Variants in HDGFL2 observed in about 807,000 individuals in gnomAD.
HDGFL2 encodes the protein hepatoma-derived growth factor-related protein 2.
A neutral mutation model predicts 77.1 loss-of-function variants in HDGFL2; 36 were observed. The ratio of observed to expected loss-of-function variants is 0.47; its 90% CI spans 0.36 to 0.62. The LOEUF is 0.62. Among genes scored for constraint, HDGFL2 ranks in the 20% least tolerant of loss-of-function variants. The pLI, the probability that HDGFL2 is intolerant of heterozygous loss-of-function variation, is 0.00. For synonymous variants in HDGFL2, 463 were observed against 413.1 expected (o/e 1.12, Z -1.46); for missense variants, 976 against 973.4 (o/e 1.00, Z -0.04).
intron 7 of HDGFL2, 50 bp downstream of exon 7, chr19:4,493,912 CTCCCAGGCAGT>C: frequency 1.3e-6 from 2 of 1,531,606 alleles, no homozygotes; most frequent in Non-Finnish European, 1.8e-6. Flanking sequence ...TGCCGGGGCG[CTCCCAGGCAGT>C]CCCCTGGTCA....
At chr19:4,490,667 A>G (rs1008918609) in intron 4 of HDGFL2, among the ~76,000 whole-genome samples, 15 of 152,222 alleles carry the variant, frequency 9.9e-5, no homozygotes, top group African/African-American at 3.6e-4. Flanking sequence ...TGTACTTTGT[A>G]TTATTTTCTG....
intron 9 of HDGFL2, among the ~76,000 whole-genome samples, chr19:4,496,031 G>T (rs1975692593): frequency 6.6e-6 from 1 of 152,130 alleles, no homozygotes; most frequent in Admixed American, 6.5e-5. Flanking sequence ...CCTGGTGCAG[G>T]AGGCGTTTCA....
intron 3 of HDGFL2, among the ~76,000 whole-genome samples, chr19:4,484,088 C>CTTT (rs577665698): frequency 1.6e-4 from 20 of 122,680 alleles, no homozygotes; most frequent in African/African-American, 2.9e-4. Flanking sequence ...TGCACCCGGC[C>CTTT]TTTTTTTTTT....
chr19:4,494,066 TG>T lies in HDGFL2; in HGVS notation c.914+13del. 6.3e-7 allele frequency: 1 copy of T among 1,594,714 alleles called. No homozygotes were observed. Among genetic ancestry groups the T allele is most frequent in the East Asian group, 2.3e-5 (1 of 43,990 alleles). On this transcript the variant is annotated intron_variant, in intron 8 of 15. Coordinates refer to ENST00000616600, the MANE Select transcript of HDGFL2 (RefSeq NM_001001520.3). ...AGCTCCAGCAGTGACAGGTGGGTGC[TG>T]GGGCTGGGGTCCCCTCTGGCGGCTC...
chr19:4,476,153 G>C (rs1975067512), intron 3 of HDGFL2, among the ~76,000 whole-genome samples: 1 of 144,202 alleles, frequency 6.9e-6, no homozygotes, highest in Non-Finnish European at 1.5e-5. Flanking sequence ...GCCTCCCAAA[G>C]TGCTGGGATT....
In HDGFL2 at chr19:4,488,769, G is replaced by T; in HGVS notation, c.382G>T (p.Val128Phe). Residue 128 changes from valine (V) to phenylalanine (F), a missense_variant, in exon 4 of 16, where the codon GTC (valine) becomes TTC (phenylalanine). Physicochemically the swap from Val to Phe is conservative, Grantham distance 50. This residue lies in a region of HDGFL2 where 567 missense variants were observed against 534.7 expected (regional missense o/e 1.06). Coordinates refer to ENST00000616600, the MANE Select transcript of HDGFL2 (RefSeq NM_001001520.3). ...CGATGAGGACCGGGGGGTCATGGCCGTCACAGCGGTAACCGCCACAGCTGC... is the reference window on the plus strand; with the variant it reads ...CGATGAGGACCGGGGGGTCATGGCCTTCACAGCGGTAACCGCCACAGCTGC... Reference protein sequence around the residue: ...EDDEDRGVMAVTAVTATAASD... With the variant: ...EDDEDRGVMAFTAVTATAASD... 1 of 1,552,382 alleles carries T rather than the reference G, an allele frequency of 6.4e-7. No individual in the cohort carries two copies. The highest frequency in any genetic ancestry group is 8.7e-7 in the Non-Finnish European group (1 of 1,147,482).
In HDGFL2 at chr19:4,475,577, C is replaced by T. The variant is rs1256516022; in HGVS notation, c.282C>T (p.Ala94=). ...ACAACCCCCACGCCAGCTACAGCGC[C>T]CCTCCGGTGAGTACCCGGGGTGGAG... The part of the protein sequence containing the change: ...IQNNPHASYS[A]PPPVSSSDSE... Residue 94 remains alanine (A), a synonymous_variant, in exon 3 of 16, where the codon GCC becomes GCT. Coordinates refer to ENST00000616600, the MANE Select transcript of HDGFL2 (RefSeq NM_001001520.3). 7 of 1,575,550 alleles carry T rather than the reference C, an allele frequency of 4.4e-6. 1 individual carries two copies. The highest frequency in any genetic ancestry group is 6.0e-6 in the Non-Finnish European group (7 of 1,167,728).
intron 3 of HDGFL2, among the ~76,000 whole-genome samples, chr19:4,478,066 C>T (rs1301663145): frequency 2.9e-5 from 4 of 135,942 alleles, no homozygotes; most frequent in Non-Finnish European, 4.7e-5. Flanking sequence ...GGCAACAGAA[C>T]GAGACTCTGT....
chr19:4,501,927 C>A lies in HDGFL2; in HGVS notation c.1933C>A (p.Pro645Thr). ...EDLHDSVREG[P>T]DLDRPGSDRQ... is the part of the protein sequence containing the mutation. ...TCCCACCAGCAGCGTACGGGAGGGT[C>A]CCGACCTGGACAGGCCTGGGAGCGA... The change falls in exon 16 of 16, where the codon CCC becomes ACC. Residue 645 changes from proline to threonine, a missense_variant. Pro to Thr is a conservative substitution (Grantham distance 38). Coordinates refer to ENST00000616600, the MANE Select transcript of HDGFL2 (RefSeq NM_001001520.3). 6.8e-7 allele frequency: 1 copy of A among 1,479,690 alleles called. No homozygotes were observed. 91.7% of individuals were successfully genotyped at this position (1,479,690 alleles called of 1,614,324 possible).
At chr19:4,472,821 C>G (rs1463831514) in intron 1 of HDGFL2, among the ~76,000 whole-genome samples, 1 of 148,468 alleles carries the variant, frequency 6.7e-6, no homozygotes, top group East Asian at 2.0e-4. Context: ...CTCCCGGGGT[C>G]TGGGGGTCCT....
At chr19:4,491,951 G>A in intron 6 of HDGFL2, 116 bp downstream of exon 6, 1 of 905,132 alleles carries the variant, frequency 1.1e-6, no homozygotes, top group East Asian at 2.5e-5. Context: ...ACGGACTGCA[G>A]GGTACCCGAG....
Position 4,498,014 on chromosome 19 carries a change from A to G in HDGFL2, c.1385A>G (p.Lys462Arg), listed in dbSNP as rs1416482378. The G allele has an allele frequency of 6.4e-7, 1 of 1,556,146 alleles. No individual in the cohort carries two copies. ...TCCGAGGGCTTCTCGATGGACAGGA[A>G]GGTAGAGAAGAAGAAAGGTGAGGCC... Reference protein sequence around the residue: ...KRSEGFSMDRKVEKKKEPSVE... With the variant: ...KRSEGFSMDRRVEKKKEPSVE... The change falls in exon 11 of 16, where the codon AAG (lysine) becomes AGG (arginine). Residue 462 changes from lysine (K) to arginine (R), a missense_variant. Transcript: ENST00000616600.
At chr19:4,494,750 C>G (rs1370311929) in intron 9 of HDGFL2, among the ~76,000 whole-genome samples, 1 of 152,046 alleles carries the variant, frequency 6.6e-6, no homozygotes, top group East Asian at 1.9e-4. Context: ...GACCCTGTCT[C>G]TATAAAAACC....
rs1975919212 is a variant in HDGFL2 at position 4,502,061 on chromosome 19, C to T, written c.*51C>T. On this transcript the variant is annotated 3_prime_UTR_variant, in exon 16 of 16. Transcript: ENST00000616600. ...CGCCCGAGCTCAGGCTGCCCCTCTC[C>T]TTCCCCGGCTCGCAGGAGAGCAGAG... is the stretch of plus-strand genomic sequence containing the variant. 3 of 1,285,796 alleles carry T rather than the reference C, an allele frequency of 2.3e-6. No individual in the cohort carries two copies. Among genetic ancestry groups the T allele is most frequent in the African/African-American group, 2.9e-5 (2 of 68,302 alleles). 79.6% of individuals were successfully genotyped at this position (1,285,796 alleles called of 1,614,324 possible). A position where few individuals can be genotyped will look rare whatever the true frequency, so the allele number is the denominator to read the frequency against.
intron 3 of HDGFL2, 26 bp downstream of exon 3, chr19:4,475,609 T>C (rs3816048): frequency 0.56 from 860,969 of 1,551,080 alleles, 243,809 homozygotes; most frequent in African/African-American, 0.74. Context: ...GGAGAGCCAG[T>C]GTGAAGCGCG....
At position 4,485,137 on chromosome 19, in the gene HDGFL2, C is replaced by A. The variant is rs116112679; in HGVS notation, c.289-3539C>A. 4.6e-3 allele frequency among the ~76,000 whole-genome samples: 693 copies of A among 152,258 alleles called. 4 individuals carry two copies. Among genetic ancestry groups the A allele is most frequent in the African/African-American group, 0.016 (650 of 41,564 alleles). The stretch of plus-strand genomic sequence containing the variant: ...ATTTTCAACGCTTCACAAAGGAATC[C>A]TCTACCTGCTAGGTATCCCCCCAAT... On this transcript the variant is annotated intron_variant, in intron 3 of 15. Transcript: ENST00000616600.
intron 3 of HDGFL2, among the ~76,000 whole-genome samples, chr19:4,487,943 T>TAAAAAAAA (rs71340907): frequency 7.0e-6 from 1 of 142,758 alleles, no homozygotes. Flanking sequence ...TTGAATGACT[T>TAAAAAAAA]AAAAAAAAAA....
intron 3 of HDGFL2, among the ~76,000 whole-genome samples, chr19:4,479,354 C>T (rs1007894630): frequency 1.3e-5 from 2 of 149,392 alleles, no homozygotes; most frequent in East Asian, 2.0e-4. Context: ...GAGGCCGAGG[C>T]GGGCAGATCA....
At chr19:4,476,571 T>G (rs1031440361) in intron 3 of HDGFL2, among the ~76,000 whole-genome samples, 10 of 151,342 alleles carry the variant, frequency 6.6e-5, no homozygotes, top group African/African-American at 2.2e-4. Context: ...TTTTTTCTTT[T>G]GAGAAGAGCC....
Sources: allele counts gnomAD v4.1 joint callset (sites outside exome capture counted in the v4.1 genomes callset), GRCh38; gene constraint gnomAD v4.1.1; regional missense constraint gnomAD v4.1.1; transcripts MANE v1.5; gene names NCBI Gene and HGNC (gene_info 2026-07-23, HGNC 2026-07-21).